The following RAG1 variants were observed in gnomAD, a reference collection of about 807,000 sequenced individuals.
RAG1 encodes the protein recombination activating 1, also known as V(D)J recombination-activating protein 1.
RAG1 carries 35 observed loss-of-function variants against 62.7 expected under a neutral mutation model. The ratio of observed to expected loss-of-function variants is 0.56; its 90% CI spans 0.43 to 0.74. RAG1 has a LOEUF of 0.74. Ranked by LOEUF, RAG1 falls within the 30% of genes least tolerant of loss-of-function variation. The pLI is 0.00. For synonymous variants in RAG1, 461 were observed against 470.3 expected (o/e 0.98, Z 0.26); for missense variants, 1,169 against 1,278.6 (o/e 0.91, Z 1.31).
At chr11:36,558,203 C>G (rs1436293290) in intron 3 of RAG1, among the ~76,000 whole-genome samples, 1 of 152,122 alleles carries the variant, frequency 6.6e-6, no homozygotes, top group African/African-American at 2.4e-5. Context: ...TATAATCTAT[C>G]CTGGAGAATG....
At chr11:36,536,320 A>C (rs11033685), downstream of RAG1, among the ~76,000 whole-genome samples, 4,122 of 152,306 alleles carry the variant, frequency 0.027, 188 homozygotes, top group African/African-American at 0.094. Context: ...AGACCTATAC[A>C]CAACAAATGG....
chr11:36,540,631 C>G (rs892378175), downstream of RAG1, among the ~76,000 whole-genome samples: 1 of 152,156 alleles, frequency 6.6e-6, no homozygotes, highest in Non-Finnish European at 1.5e-5. Context: ...TGGTCTCGAT[C>G]TCCTGACCTC....
rs1248277448 is a variant in RAG1 at position 36,579,566 on chromosome 11, A to C, written c.*3130A>C. The C allele has an allele frequency of 6.1e-6, 1 of 165,102 alleles. No individual in the cohort carries two copies. Among genetic ancestry groups the C allele is most frequent in the South Asian group, 2.1e-4 (1 of 4,788 alleles). The allele number at this position is 165,102 out of a possible 1,614,324, so 10.2% of individuals were successfully genotyped here. On this transcript the variant is annotated 3_prime_UTR_variant, in exon 2 of 2. Coordinates refer to ENST00000299440, the MANE Select transcript of RAG1 (RefSeq NM_000448.3). ...AGAGCCTTTTTTTTTTTTGTATTTC[A>C]GAGAAAATTCAGGTACCAGGATGCA...
chr11:36,534,993 A>G (rs193066962), intron 2 of RAG1, among the ~76,000 whole-genome samples: 2 of 152,352 alleles, frequency 1.3e-5, no homozygotes, highest in African/African-American at 4.8e-5. Flanking sequence ...CATTTAGATC[A>G]TCACAATTTT....
chr11:36,546,475 G>C (rs183362989), intron 3 of RAG1, among the ~76,000 whole-genome samples: 220 of 152,212 alleles, frequency 1.4e-3, no homozygotes, highest in Admixed American at 3.7e-3. Flanking sequence ...GTGTGTCTTT[G>C]CACATGAGAT....
intron 3 of RAG1, among the ~76,000 whole-genome samples, chr11:36,549,621 G>T (rs1032998972): frequency 1.3e-5 from 2 of 152,204 alleles, no homozygotes; most frequent in African/African-American, 4.8e-5. Context: ...AACAACAGAT[G>T]CTGGAGAGGA....
At chr11:36,564,780 T>G (rs1316259528), upstream of RAG1, among the ~76,000 whole-genome samples, 3 of 152,226 alleles carry the variant, frequency 2.0e-5, no homozygotes, top group Non-Finnish European at 2.9e-5. Flanking sequence ...CCGCCGCCAG[T>G]GCAGGGTGGC....
intron 1 of RAG1, among the ~76,000 whole-genome samples, chr11:36,572,619 G>T (rs1376478691): frequency 6.6e-6 from 1 of 152,152 alleles, no homozygotes. Flanking sequence ...TTCTAATGTA[G>T]ACACAGCCTT....
At chr11:36,572,372 G>A (rs184560088) in intron 1 of RAG1, among the ~76,000 whole-genome samples, 11 of 152,236 alleles carry the variant, frequency 7.2e-5, no homozygotes, top group East Asian at 5.8e-4. Context: ...CAAATCAGTC[G>A]GGTTTCCTGG....
chr11:36,515,267 G>A (rs1859980658), intron 1 of RAG1, among the ~76,000 whole-genome samples: 1 of 151,852 alleles, frequency 6.6e-6, no homozygotes, highest in Non-Finnish European at 1.5e-5. Context: ...GAAAGAATGA[G>A]GTAATTAAAA....
exon 2 of RAG1, chr11:36,520,189 G>C (rs1331894996): frequency 1.3e-5 from 2 of 152,214 alleles, no homozygotes; most frequent in Non-Finnish European, 2.9e-5. Flanking sequence ...ACATTGCAGT[G>C]GGGACGATGA....
chr11:36,568,745 CT>C (rs1167809349), intron 1 of RAG1, among the ~76,000 whole-genome samples: 1 of 152,148 alleles, frequency 6.6e-6, no homozygotes, highest in Non-Finnish European at 1.5e-5. Context: ...GGTAGAGACC[CT>C]GCTTTGAGGT....
chr11:36,568,847 A>G lies in RAG1; in HGVS notation c.-15+725A>G, dbSNP rs4151003. On this transcript the variant is annotated intron_variant, in intron 1 of 1. Transcript: ENST00000299440. ...CATGCAAGAGGTTGTCTGAAGGAAG[A>G]GCAAGAATTGTAGTGTTATTTTGTG... is the stretch of plus-strand genomic sequence containing the variant. Among the ~76,000 whole-genome samples, 76 of 152,306 alleles carry G rather than the reference A, an allele frequency of 5.0e-4. 1 individual carries two copies. In the South Asian group the frequency reaches 0.015, roughly 31 times the overall value.
chr11:36,510,722 C>T (rs113165511), exon 1 of RAG1: 6 of 152,358 alleles, frequency 3.9e-5, no homozygotes, highest in Non-Finnish European at 8.8e-5. Context: ...ACCTGCTCTT[C>T]CCCTTCATCC....
intron 1 of RAG1, among the ~76,000 whole-genome samples, chr11:36,572,371 C>T (rs146498720): frequency 2.0e-5 from 3 of 152,274 alleles, no homozygotes; most frequent in Non-Finnish European, 2.9e-5. Flanking sequence ...TCAAATCAGT[C>T]GGGTTTCCTG....
intron 3 of RAG1, among the ~76,000 whole-genome samples, chr11:36,561,219 T>C (rs1033815871): frequency 4.6e-5 from 7 of 152,210 alleles, no homozygotes; most frequent in Non-Finnish European, 1.0e-4. Context: ...TTGGGGCTTC[T>C]TTACACCTTC....
At chr11:36,564,187 C>A (rs1374373894), upstream of RAG1, among the ~76,000 whole-genome samples, 1 of 152,164 alleles carries the variant, frequency 6.6e-6, no homozygotes, top group Non-Finnish European at 1.5e-5. Context: ...AAGGAGAAGG[C>A]ATTTATTACA....
chr11:36,512,311 T>C (rs1056492956), intron 1 of RAG1, among the ~76,000 whole-genome samples: 4 of 152,230 alleles, frequency 2.6e-5, no homozygotes, highest in Non-Finnish European at 5.9e-5. Context: ...GGAAGAGATG[T>C]ATCACTCAGT....
chr11:36,528,123 C>G (rs1045545997), intron 2 of RAG1, among the ~76,000 whole-genome samples: 1 of 152,130 alleles, frequency 6.6e-6, no homozygotes, highest in Non-Finnish European at 1.5e-5. Flanking sequence ...GACTTGAACT[C>G]AGCTCTGCAC....
Sources: gnomAD v4.1 joint callset for allele counts (sites outside exome capture counted in the v4.1 genomes callset) on GRCh38, gnomAD v4.1.1 for gene constraint, MANE v1.5 for transcripts, NCBI Gene and HGNC (gene_info 2026-07-23, HGNC 2026-07-21) for gene names.